The following PKD1L1 variants were observed in gnomAD, a reference collection of about 807,000 sequenced individuals.
PKD1L1 encodes the protein polycystin 1 like 1, transient receptor potential channel interacting.
PKD1L1 carries 236 observed loss-of-function variants against 323.4 expected under a neutral mutation model. That is an observed-to-expected ratio of 0.73 (90% confidence interval 0.66 to 0.81). The LOEUF (loss-of-function observed/expected upper bound fraction) is 0.81, where lower values mean the gene tolerates loss of function less well. Ranked by LOEUF, PKD1L1 falls within the 40% of genes least tolerant of loss-of-function variation. The pLI, the probability that PKD1L1 is intolerant of heterozygous loss-of-function variation, is 0.00. For synonymous variants in PKD1L1, 1,344 were observed against 1,335.0 expected (o/e 1.01, Z -0.15); for missense variants, 3,320 against 3,508.0 (o/e 0.95, Z 1.35).
In PKD1L1 at chr7:47,813,219, G is replaced by A. The variant is rs1470063536; in HGVS notation, c.7248C>T (p.Asn2416=). 6.2e-7 allele frequency: 1 copy of A among 1,614,202 alleles called. No individual in the cohort carries two copies. ...TCSPEVGGPE[N]PYLIDPENQN... ...GGTTCTCTGGGTCTATCAGGTAGGG[G>A]TTCTCAGGGCCTCCAACTTCGGGAC... The change falls in exon 49 of 57, where the codon AAC becomes AAT. Residue 2416 remains asparagine, a synonymous_variant. Coordinates refer to ENST00000289672, the MANE Select transcript of PKD1L1 (RefSeq NM_138295.5).
intron 16 of PKD1L1, 63 bp from the exon 17 acceptor site, chr7:47,888,213 AATT>A: frequency 6.6e-7 from 1 of 1,515,638 alleles, no homozygotes; most frequent in East Asian, 2.3e-5. Flanking sequence ...TGGTCACATT[AATT>A]CATGTTAGGC....
At chr7:47,805,643 T>A (rs1324620259) in intron 52 of PKD1L1, among the ~76,000 whole-genome samples, 2 of 152,232 alleles carry the variant, frequency 1.3e-5, no homozygotes, top group African/African-American at 4.8e-5. Flanking sequence ...TACAGGTTCC[T>A]GCCTTGAGCA....
At chr7:47,936,792 C>T (rs1375722869) in intron 4 of PKD1L1, 54 bp downstream of exon 4, 1 of 1,347,050 alleles carries the variant, frequency 7.4e-7, no homozygotes, top group Admixed American at 1.9e-5. Context: ...TTGTAAGTTC[C>T]ATGTCATTTG....
intron 13 of PKD1L1, among the ~76,000 whole-genome samples, chr7:47,900,862 G>A (rs1302555264): frequency 6.6e-6 from 1 of 152,020 alleles, no homozygotes; most frequent in Non-Finnish European, 1.5e-5. Context: ...TAATCAAAAG[G>A]CTGCTTAATA....
intron 3 of PKD1L1, among the ~76,000 whole-genome samples, chr7:47,939,544 C>T (rs991475210): frequency 4.6e-5 from 7 of 152,192 alleles, no homozygotes; most frequent in East Asian, 1.9e-4. Flanking sequence ...ACTCCTCTCA[C>T]GCTTCTCCTC....
At position 47,824,452 on chromosome 7, in the gene PKD1L1, C is replaced by T. The variant is rs548751809; in HGVS notation, c.6854+2898G>A. Among the ~76,000 whole-genome samples the T allele has an allele frequency of 5.3e-5, 8 of 152,276 alleles. No individual in the cohort carries two copies. The East Asian group carries it at 5.8e-4, about 11-fold the overall frequency. ...TCAACAATGAAAATAAAGATACTAA[C>T]GCTCCACTAACAATATGATTGGTGA... On this transcript the variant is annotated intron_variant, in intron 45 of 56. Transcript: ENST00000289672.
chr7:47,927,263 A>C (rs1787672953), intron 7 of PKD1L1, among the ~76,000 whole-genome samples: 2 of 152,146 alleles, frequency 1.3e-5, no homozygotes, highest in African/African-American at 4.8e-5. Flanking sequence ...ATTGAAAAAA[A>C]AAGTACTAAA....
intron 24 of PKD1L1, among the ~76,000 whole-genome samples, chr7:47,869,551 C>G (rs954265657): frequency 2.0e-5 from 3 of 151,982 alleles, no homozygotes; most frequent in Non-Finnish European, 2.9e-5. Flanking sequence ...GTAAATTCAC[C>G]AGGAAGGTTA....
At chr7:47,860,793 TG>T (rs1786006032) in intron 26 of PKD1L1, among the ~76,000 whole-genome samples, 1 of 123,080 alleles carries the variant, frequency 8.1e-6, no homozygotes, top group African/African-American at 3.1e-5. Flanking sequence ...TGGCAGACCC[TG>T]GGGTTCAGAG....
At chr7:47,867,273 C>A (rs1786188640) in intron 24 of PKD1L1, among the ~76,000 whole-genome samples, 1 of 152,094 alleles carries the variant, frequency 6.6e-6, no homozygotes, top group African/African-American at 2.4e-5. Context: ...CTTAAGTTCA[C>A]CCTTGACCAA....
intron 54 of PKD1L1, among the ~76,000 whole-genome samples, 162 bp downstream of exon 54, chr7:47,800,487 G>C (rs1213044235): frequency 1.3e-5 from 2 of 152,264 alleles, no homozygotes; most frequent in Middle Eastern, 3.4e-3. Context: ...TGTGTTTGAC[G>C]GACCTGACCT....
chr7:47,786,536 A>G (rs1460474557), intron 56 of PKD1L1, among the ~76,000 whole-genome samples: 2 of 152,210 alleles, frequency 1.3e-5, no homozygotes, highest in African/African-American at 4.8e-5. Flanking sequence ...GGTGCTAAGG[A>G]ATTACACTGA....
At chr7:47,922,375 C>G (rs1035268936) in intron 7 of PKD1L1, among the ~76,000 whole-genome samples, 1 of 151,950 alleles carries the variant, frequency 6.6e-6, no homozygotes, top group African/African-American at 2.4e-5. Flanking sequence ...GGCCGCCCAT[C>G]GTCTGGGATG....
intron 21 of PKD1L1, among the ~76,000 whole-genome samples, chr7:47,880,264 A>C (rs1583643118): frequency 1.2e-5 from 1 of 83,084 alleles, no homozygotes; most frequent in Non-Finnish European, 2.2e-5. Context: ...ATATATATAT[A>C]CATATATATA....
Position 47,929,558 on chromosome 7 carries a change from A to G in PKD1L1, c.738-32T>C, listed in dbSNP as rs532206894. On this transcript the variant is annotated intron_variant, in intron 6 of 56. Transcript: ENST00000289672. ...GAGAGAGGGAGAGGCTTCAGATTTC[A>G]TGACAGTGGACCACTGGGGTGGGAG... 135 of 1,568,820 alleles carry G rather than the reference A, an allele frequency of 8.6e-5. No homozygotes were observed. In the South Asian group the frequency reaches 1.3e-3, roughly 15 times the overall value.
At chr7:47,892,135 G>A (rs1156819043) in intron 15 of PKD1L1, among the ~76,000 whole-genome samples, 1 of 152,176 alleles carries the variant, frequency 6.6e-6, no homozygotes, top group Non-Finnish European at 1.5e-5. Flanking sequence ...GCAAAGGCTC[G>A]ATGTCAAGGG....
chr7:47,860,545 A>C (rs559862798), intron 26 of PKD1L1, among the ~76,000 whole-genome samples: 1 of 152,340 alleles, frequency 6.6e-6, no homozygotes, highest in East Asian at 1.9e-4. Context: ...CCACCACAAT[A>C]AGATTAAACT....
chr7:47,843,688 G>A (rs1459625946), intron 33 of PKD1L1, among the ~76,000 whole-genome samples: 1 of 152,074 alleles, frequency 6.6e-6, no homozygotes, highest in African/African-American at 2.4e-5. Flanking sequence ...CTACCTACCT[G>A]TTCCCAGGCA....
intron 6 of PKD1L1, among the ~76,000 whole-genome samples, chr7:47,930,409 G>A (rs1256112652): frequency 6.6e-5 from 10 of 152,046 alleles, no homozygotes; most frequent in African/African-American, 1.9e-4. Context: ...GGAGGCTGAG[G>A]CAAGAGAATG....
Sources: gnomAD v4.1 joint callset for allele counts (sites outside exome capture counted in the v4.1 genomes callset) on GRCh38, gnomAD v4.1.1 for gene constraint, MANE v1.5 for transcripts, NCBI Gene and HGNC (gene_info 2026-07-23, HGNC 2026-07-21) for gene names.